Variants in XKR6 observed in about 807,000 individuals in gnomAD.
XKR6 encodes the protein XK-related protein 6.
Under a neutral mutation model 56.7 loss-of-function variants are expected in XKR6, and 22 were observed. That is an observed-to-expected ratio of 0.39 (90% CI 0.28 to 0.55). XKR6 has a LOEUF of 0.55. XKR6 is among the 20% of genes least tolerant of loss of function. XKR6 has a pLI of 0.66. For synonymous variants in XKR6, 524 were observed against 387.8 expected, an observed-to-expected ratio of 1.35 and a Z score of -4.13; for missense variants, 852 against 889.0, an observed-to-expected ratio of 0.96 and a Z score of 0.53.
chr8:11,186,532 C>A (rs1468354364), intron 1 of XKR6, among the ~76,000 whole-genome samples: 1 of 152,132 alleles, frequency 6.6e-6, no homozygotes, highest in Non-Finnish European at 1.5e-5. Flanking sequence ...TGTGCCACAC[C>A]ACATCCAGCT....
intron 1 of XKR6, among the ~76,000 whole-genome samples, chr8:11,145,631 G>C (rs1800942510): frequency 6.6e-6 from 1 of 151,916 alleles, no homozygotes; most frequent in Non-Finnish European, 1.5e-5. Flanking sequence ...CAATGAAACA[G>C]AGAGAAATCT....
chr8:11,186,186 C>A (rs1439138330), intron 1 of XKR6, among the ~76,000 whole-genome samples: 1 of 152,010 alleles, frequency 6.6e-6, no homozygotes, highest in East Asian at 1.9e-4. Flanking sequence ...ATTCATGCCC[C>A]CCCATCCCCA....
chr8:11,129,593 A>T (rs933084285), intron 1 of XKR6, among the ~76,000 whole-genome samples: 2 of 152,188 alleles, frequency 1.3e-5, no homozygotes, highest in African/African-American at 2.4e-5. Context: ...ACAGAATACC[A>T]TGCGCTGTTA....
At chr8:11,120,139 G>A (rs577904896) in intron 1 of XKR6, among the ~76,000 whole-genome samples, 44 of 152,212 alleles carry the variant, frequency 2.9e-4, no homozygotes, top group Admixed American at 1.2e-3. Flanking sequence ...ACAGGGAGGC[G>A]CTCTCTCACC....
At chr8:11,121,347 A>C (rs1355908264) in intron 1 of XKR6, among the ~76,000 whole-genome samples, 1 of 152,206 alleles carries the variant, frequency 6.6e-6, no homozygotes. Context: ...ACAAGAAAAA[A>C]ACAAACAACC....
rs1563276102 is a variant in XKR6 at position 10,898,495 on chromosome 8, A to G, written c.1383T>C (p.Tyr461=). ...CAGTGGTCTCCGGGTCTCTGTAAAA[A>G]TACCAAAGGAACGTCAAGGCAGCAT... The part of the protein sequence containing the change: ...TENAALTFLW[Y]FYRDPETTDS... The change falls in exon 3 of 3, where the codon TAT becomes TAC. Residue 461 remains tyrosine (Y), a synonymous_variant. Transcript: ENST00000416569. This position sits in a 1 kb window ranked among gnomAD's most constrained non-coding sequence, Gnocchi z 6.6. 1 of 1,614,064 alleles carries G rather than the reference A, an allele frequency of 6.2e-7. No homozygotes were observed. Among genetic ancestry groups the G allele is most frequent in the South Asian group, 1.1e-5 (1 of 91,078 alleles).
chr8:11,118,196 A>G (rs1799271260), intron 1 of XKR6, among the ~76,000 whole-genome samples: 1 of 152,084 alleles, frequency 6.6e-6, no homozygotes, highest in Admixed American at 6.6e-5. Flanking sequence ...CAAAAAAATG[A>G]AAGAAAAAAT....
At chr8:11,141,996 A>G (rs1563169294) in intron 1 of XKR6, among the ~76,000 whole-genome samples, 1 of 148,516 alleles carries the variant, frequency 6.7e-6, no homozygotes, top group African/African-American at 2.5e-5. Flanking sequence ...AGATTTGTCC[A>G]TTTTTTTCTG....
chr8:11,000,248 C>G (rs1798207889), intron 1 of XKR6, among the ~76,000 whole-genome samples: 2 of 152,180 alleles, frequency 1.3e-5, no homozygotes, highest in Admixed American at 6.5e-5. Flanking sequence ...GGCAACAGGA[C>G]AGGAGAGCCA....
intron 1 of XKR6, among the ~76,000 whole-genome samples, chr8:11,081,396 G>C (rs1052830027): frequency 6.6e-6 from 1 of 152,192 alleles, no homozygotes; most frequent in Non-Finnish European, 1.5e-5. Flanking sequence ...GCACGGATGA[G>C]AATTTTATTG....
chr8:11,049,867 C>T (rs760249150), intron 1 of XKR6, among the ~76,000 whole-genome samples: 4 of 152,210 alleles, frequency 2.6e-5, no homozygotes, highest in Non-Finnish European at 4.4e-5. Context: ...ATACACACAG[C>T]CAGGAGAGAA....
intron 1 of XKR6, among the ~76,000 whole-genome samples, chr8:11,187,160 T>C (rs762322523): frequency 2.6e-5 from 4 of 152,242 alleles, no homozygotes; most frequent in South Asian, 2.1e-4. Context: ...TCCTGCTTCA[T>C]GTGTGTTGTT....
intron 1 of XKR6, among the ~76,000 whole-genome samples, chr8:10,957,259 G>T (rs1402387920): frequency 6.6e-6 from 1 of 152,174 alleles, no homozygotes; most frequent in African/African-American, 2.4e-5. Flanking sequence ...CCATAACTCA[G>T]TCTTCAACCT....
intron 1 of XKR6, among the ~76,000 whole-genome samples, chr8:11,185,740 G>A (rs943327031): frequency 1.3e-5 from 2 of 152,096 alleles, no homozygotes; most frequent in Admixed American, 6.5e-5. Context: ...ATGAGTCTTG[G>A]GCACATGGCT....
chr8:11,098,304 A>C (rs757484229), intron 1 of XKR6, among the ~76,000 whole-genome samples: 10 of 151,750 alleles, frequency 6.6e-5, no homozygotes, highest in Admixed American at 1.3e-4. Context: ...CACACACACA[A>C]AGTTTGAGGA....
intron 1 of XKR6, among the ~76,000 whole-genome samples, chr8:10,990,409 A>C (rs1797962569): frequency 6.6e-6 from 1 of 152,098 alleles, no homozygotes; most frequent in South Asian, 2.1e-4. Flanking sequence ...AGATTTTAAG[A>C]CTGTGGAACT....
chr8:11,160,911 C>CAAAAAAAAAAAAAAAAAAAAAAAAAA (rs33931830), intron 1 of XKR6, among the ~76,000 whole-genome samples: 9 of 63,784 alleles, frequency 1.4e-4, no homozygotes, highest in African/African-American at 5.9e-4. Flanking sequence ...GACTCCGTCT[C>CAAAAAAAAAAAAAAAAAAAAAAAAAA]AAAAAAAAAA....
intron 1 of XKR6, among the ~76,000 whole-genome samples, chr8:11,115,344 C>A (rs1243365910): frequency 6.6e-6 from 1 of 152,136 alleles, no homozygotes; most frequent in Admixed American, 6.6e-5. Context: ...TTAAATCTGC[C>A]AAGTACCTTC....
At chr8:10,971,407 C>T (rs912031402) in intron 1 of XKR6, among the ~76,000 whole-genome samples, 17 of 151,728 alleles carry the variant, frequency 1.1e-4, no homozygotes, top group African/African-American at 1.9e-4. Context: ...GGTGACAGAG[C>T]GAGACTCCAT....
Sources: allele counts gnomAD v4.1 joint callset (sites outside exome capture counted in the v4.1 genomes callset), GRCh38; gene constraint gnomAD v4.1.1; non-coding constraint Gnocchi (gnomAD v3.1); transcripts MANE v1.5; gene names NCBI Gene and HGNC (gene_info 2026-07-23, HGNC 2026-07-21).